Variants in LRRIQ1 observed in about 807,000 individuals in gnomAD.
The protein encoded by LRRIQ1 is leucine rich repeats and IQ motif containing 1.
A neutral mutation model predicts 211.9 loss-of-function variants in LRRIQ1; 210 were observed. The observed-to-expected ratio is 0.99, with a 90% CI of 0.89 to 1.11. The LOEUF is 1.11. Ranked by LOEUF, LRRIQ1 falls within the 50% of genes most tolerant of loss-of-function variation. The pLI is 0.00. For missense variants in LRRIQ1, 2,136 were observed against 1,939.5 expected (o/e 1.10, Z -1.90); for synonymous variants, 699 against 650.1 (o/e 1.08, Z -1.14).
chr12:85,193,253 A>G (rs1892700746), intron 24 of LRRIQ1, among the ~76,000 whole-genome samples: 2 of 126,924 alleles, frequency 1.6e-5, no homozygotes, highest in East Asian at 2.1e-4. Flanking sequence ...ACTCTGCAGG[A>G]TATTATCCAG....
At chr12:85,214,625 A>C (rs1239243342) in intron 24 of LRRIQ1, among the ~76,000 whole-genome samples, 1 of 152,104 alleles carries the variant, frequency 6.6e-6, no homozygotes, top group East Asian at 1.9e-4. Flanking sequence ...TAGAGGTTGC[A>C]TTCCAAATCA....
At chr12:85,045,875 G>A (rs1249828798) in intron 4 of LRRIQ1, 145 bp from the exon 5 acceptor site, 1 of 437,410 alleles carries the variant, frequency 2.3e-6, no homozygotes, top group African/African-American at 2.0e-5. Context: ...AATTATCAAT[G>A]TGCTGCAGAT....
intron 11 of LRRIQ1, among the ~76,000 whole-genome samples, chr12:85,092,000 T>A (rs1297818025): frequency 6.6e-6 from 1 of 152,170 alleles, no homozygotes; most frequent in South Asian, 2.1e-4. Flanking sequence ...CTCCACCACC[T>A]GTCAGTTCAT....
intron 11 of LRRIQ1, among the ~76,000 whole-genome samples, chr12:85,083,270 C>G (rs1292236818): frequency 6.6e-6 from 1 of 152,040 alleles, no homozygotes; most frequent in Non-Finnish European, 1.5e-5. Flanking sequence ...GCTTATCTCT[C>G]TTTGCTTGCC....
chr12:85,267,957 G>C (rs1896459030), downstream of LRRIQ1, among the ~76,000 whole-genome samples: 3 of 152,056 alleles, frequency 2.0e-5, no homozygotes, highest in South Asian at 6.2e-4. Context: ...AAGTGAGAAA[G>C]TATAATGAGA....
In LRRIQ1 at chr12:85,121,816, T is replaced by G. The variant is rs1888010098; in HGVS notation, c.3497T>G (p.Leu1166Arg). The stretch of plus-strand genomic sequence containing the variant: ...CTGGGATCAGCAGGTTTCCTGGCAC[T>G]TTGTCAGTCTCAGATTCGAGAATTC... The part of the protein sequence containing the change: ...NQLGSAGFLA[L>R]CQSQIREFNL... Residue 1166 changes from leucine to arginine, a missense_variant, in exon 16 of 27, where the codon CTT becomes CGT. By Grantham distance (102) the Leu-to-Arg change is moderately radical (BLOSUM62 -2). Coordinates refer to ENST00000393217, the MANE Select transcript of LRRIQ1 (RefSeq NM_001079910.2). 1 of 1,607,568 alleles carries G rather than the reference T, an allele frequency of 6.2e-7. No individual in the cohort carries two copies. The highest frequency in any genetic ancestry group is 1.1e-5 in the South Asian group (1 of 89,820).
At chr12:85,271,229 A>G in the LRRIQ1 span, among the ~76,000 whole-genome samples, 5 of 152,208 alleles carry the variant, frequency 3.3e-5, no homozygotes, top group African/African-American at 1.2e-4. Context: ...AGAGACTTGC[A>G]TGACAGGTTT....
At chr12:85,195,010 GA>G (rs1337735746) in intron 24 of LRRIQ1, among the ~76,000 whole-genome samples, 1 of 152,126 alleles carries the variant, frequency 6.6e-6, no homozygotes, top group Non-Finnish European at 1.5e-5. Flanking sequence ...CGATCCCACA[GA>G]AATACAAACT....
At chr12:85,042,260 T>C (rs904723978) in intron 3 of LRRIQ1, among the ~76,000 whole-genome samples, 1 of 151,576 alleles carries the variant, frequency 6.6e-6, no homozygotes, top group African/African-American at 2.4e-5. Flanking sequence ...TCTAATCTGA[T>C]TTCTAATAAG....
chr12:85,245,150 C>T, downstream of LRRIQ1: 1 of 740,138 alleles, frequency 1.4e-6, no homozygotes, highest in Non-Finnish European at 2.0e-6. Context: ...TTCAATATCT[C>T]CTGCCCCCCA....
intron 24 of LRRIQ1, among the ~76,000 whole-genome samples, chr12:85,211,469 G>C (rs1468486565): frequency 6.6e-6 from 1 of 152,060 alleles, no homozygotes; most frequent in Non-Finnish European, 1.5e-5. Flanking sequence ...TTTGGGATAC[G>C]TGTTATGTAA....
At chr12:85,111,894 G>A (rs1160708876) in intron 15 of LRRIQ1, among the ~76,000 whole-genome samples, 1 of 151,288 alleles carries the variant, frequency 6.6e-6, no homozygotes, top group Non-Finnish European at 1.5e-5. Flanking sequence ...AGCTGGAAGG[G>A]GACATATGTA....
intron 24 of LRRIQ1, among the ~76,000 whole-genome samples, chr12:85,226,943 A>G (rs1209779363): frequency 6.6e-6 from 1 of 151,924 alleles, no homozygotes; most frequent in Non-Finnish European, 1.5e-5. Context: ...GGACATTTGG[A>G]TTGGTTCTAA....
downstream of LRRIQ1, chr12:85,245,190 T>A: frequency 2.4e-6 from 1 of 414,082 alleles, no homozygotes; most frequent in Non-Finnish European, 3.8e-6. Flanking sequence ...AATTCTTTGA[T>A]CATTTAATTC....
intron 11 of LRRIQ1, among the ~76,000 whole-genome samples, chr12:85,096,467 T>A (rs1464467570): frequency 6.6e-6 from 1 of 152,146 alleles, no homozygotes; most frequent in Non-Finnish European, 1.5e-5. Flanking sequence ...TTGTGTGGGT[T>A]TTGAGAGACC....
At chr12:85,150,658 G>A (rs775669792) in intron 19 of LRRIQ1, among the ~76,000 whole-genome samples, 3 of 151,610 alleles carry the variant, frequency 2.0e-5, no homozygotes, top group Admixed American at 6.6e-5. Context: ...TCCTTGAACT[G>A]TAGCCATTGT....
intron 1 of LRRIQ1, among the ~76,000 whole-genome samples, chr12:85,260,606 C>A (rs1896257974): frequency 6.6e-6 from 1 of 152,084 alleles, no homozygotes; most frequent in Admixed American, 6.6e-5. Flanking sequence ...TACTCAGACA[C>A]CCTTCTCCCT....
In LRRIQ1 at chr12:85,055,772, A is replaced by G; in HGVS notation, c.979A>G (p.Lys327Glu). The G allele has an allele frequency of 1.2e-6, 2 of 1,606,552 alleles. No homozygotes were observed. Among genetic ancestry groups the G allele is most frequent in the East Asian group, 4.5e-5 (2 of 44,672 alleles). The part of the protein sequence containing the change: ...KAQEWKEKEA[K>E]IRQKEEENRK... ...ACAAGAGTGGAAGGAAAAGGAAGCA[A>G]AAATACGACAAAAGGAGGAAGAAAA... is the stretch of plus-strand genomic sequence containing the variant. Residue 327 changes from lysine (K) to glutamate (E), a missense_variant, in exon 8 of 27, where the codon AAA becomes GAA. By Grantham distance (56) the Lys-to-Glu change is moderately conservative. Transcript: ENST00000393217.
chr12:85,152,628 A>G (rs1420839288), intron 20 of LRRIQ1, among the ~76,000 whole-genome samples: 2 of 151,688 alleles, frequency 1.3e-5, no homozygotes, highest in Non-Finnish European at 2.9e-5. Context: ...CTTCAGCTGC[A>G]TATTTGGCAG....
Sources: allele counts gnomAD v4.1 joint callset (sites outside exome capture counted in the v4.1 genomes callset), GRCh38; gene constraint gnomAD v4.1.1; transcripts MANE v1.5; gene names NCBI Gene and HGNC (gene_info 2026-07-23, HGNC 2026-07-21).